Variants in NAB1 observed in about 807,000 individuals in gnomAD.
NAB1 encodes the protein NGFI-A binding protein 1, also known as NGFI-A-binding protein 1.
Under a neutral mutation model 49.9 loss-of-function variants are expected in NAB1, and 25 were observed. The observed-to-expected ratio is 0.50, with a 90% CI of 0.37 to 0.70. NAB1 has a LOEUF of 0.70. Among genes scored for constraint, NAB1 ranks in the 30% least tolerant of loss-of-function variants. The pLI is 0.00. For synonymous variants in NAB1, 198 were observed against 215.6 expected (o/e 0.92, Z 0.71); for missense variants, 489 against 575.9 (o/e 0.85, Z 1.54).
rs770283618 is a variant in NAB1 at position 190,685,634 on chromosome 2, A to G, written c.1254A>G (p.Gly418=). The G allele has an allele frequency of 6.2e-7, 1 of 1,605,642 alleles. No individual in the cohort carries two copies. Among genetic ancestry groups the G allele is most frequent in the South Asian group, 1.1e-5 (1 of 89,632 alleles). Residue 418 remains glycine (G), a synonymous_variant, in exon 8 of 10, where the codon GGA becomes GGG. Transcript: ENST00000337386. This position sits in a 1 kb window ranked among gnomAD's most constrained non-coding sequence, Gnocchi z 4.5. The stretch of plus-strand genomic sequence containing the variant: ...GCTTGACTTCCGATAACTCAGATGG[A>G]CAAGGTACATCTTTAGAATATCCTA... The part of the protein sequence containing the change: ...PNGLTSDNSD[G]QGERPLNLRM...
At chr2:190,656,810 A>T (rs1574419649) in intron 3 of NAB1, among the ~76,000 whole-genome samples, 1 of 152,240 alleles carries the variant, frequency 6.6e-6, no homozygotes. Context: ...ATTGCTCATA[A>T]AAAGATTTAA....
At position 190,679,907 on chromosome 2, in the gene NAB1, T is replaced by C. The variant is rs1167467620; in HGVS notation, c.1006-3831T>C. The stretch of plus-strand genomic sequence containing the variant: ...ATTTTACCCCAAGCTCCAAACTCAC[T>C]GCCCCTGCTTACCTGGCTTATCTAC... On this transcript the variant is annotated intron_variant, in intron 6 of 9. Transcript: ENST00000337386. This position sits in a 1 kb window ranked among gnomAD's most constrained non-coding sequence, Gnocchi z 5.3. Among the ~76,000 whole-genome samples, 2 of 151,824 alleles carry C rather than the reference T, an allele frequency of 1.3e-5. No homozygotes were observed. Among genetic ancestry groups the C allele is most frequent in the Non-Finnish European group, 2.9e-5 (2 of 67,916 alleles).
At chr2:190,665,322 CA>C (rs35430342) in intron 4 of NAB1, among the ~76,000 whole-genome samples, 276 of 130,950 alleles carry the variant, frequency 2.1e-3, no homozygotes, top group Non-Finnish European at 2.7e-3. Context: ...GACTCCATCT[CA>C]AAAAAAAAAA....
chr2:190,674,444 C>T lies in NAB1; in HGVS notation c.1005+1292C>T, dbSNP rs180867540. Among the ~76,000 whole-genome samples, 9 of 152,284 alleles carry T rather than the reference C, an allele frequency of 5.9e-5. No individual in the cohort carries two copies. The highest frequency in any genetic ancestry group is 1.9e-4 in the East Asian group (1 of 5,182). On this transcript the variant is annotated intron_variant, in intron 6 of 9. Transcript: ENST00000337386. The surrounding 1 kb of genome is among the most constrained non-coding windows in gnomAD (Gnocchi z 5.7). The stretch of plus-strand genomic sequence containing the variant: ...CCCTTTCTAAAGGGGCACCCTCTCC[C>T]CAAAATCACACTCAGGCTTATTCTC...
At chr2:190,671,334 C>T (rs905266776) in intron 5 of NAB1, among the ~76,000 whole-genome samples, 2 of 152,188 alleles carry the variant, frequency 1.3e-5, no homozygotes, top group Non-Finnish European at 2.9e-5. Flanking sequence ...GCACTATAGG[C>T]ATTTGCCATC....
intron 9 of NAB1, 75 bp downstream of exon 9, chr2:190,687,392 CATCAA>C: frequency 2.5e-4 from 98 of 391,368 alleles, no homozygotes; most frequent in Middle Eastern, 6.7e-4. Flanking sequence ...TTTCCTCCCC[CATCAA>C]AAAAAAAAAA....
At chr2:190,683,614 C>A in intron 6 of NAB1, 124 bp from the exon 7 acceptor site, 1 of 625,188 alleles carries the variant, frequency 1.6e-6, no homozygotes, top group South Asian at 2.3e-5. Flanking sequence ...ATTTTATAAC[C>A]ATTAAAATCT....
Position 190,678,122 on chromosome 2 carries a change from T to C in NAB1, c.1005+4970T>C, listed in dbSNP as rs954948142. The stretch of plus-strand genomic sequence containing the variant: ...TTGTTTATGAGTAAAAACCTTGTGT[T>C]GGGAAGATACACAGAGTAAATCAGA... On this transcript the variant is annotated intron_variant, in intron 6 of 9. Coordinates refer to ENST00000337386, the MANE Select transcript of NAB1 (RefSeq NM_005966.4). The surrounding 1 kb of genome is among the most constrained non-coding windows in gnomAD (Gnocchi z 4.9). 6.6e-6 allele frequency among the ~76,000 whole-genome samples: 1 copy of C among 152,222 alleles called. No individual in the cohort carries two copies. Among genetic ancestry groups the C allele is most frequent in the Non-Finnish European group, 1.5e-5 (1 of 68,034 alleles).
chr2:190,668,583 T>C (rs1201257113), intron 4 of NAB1, among the ~76,000 whole-genome samples: 1 of 152,170 alleles, frequency 6.6e-6, no homozygotes. Flanking sequence ...CTGAAAAAAG[T>C]AGATTACAAA....
chr2:190,690,103 CA>C (rs1695881532), intron 9 of NAB1, 141 bp from the exon 10 acceptor site: 1 of 523,464 alleles, frequency 1.9e-6, no homozygotes. Flanking sequence ...GCTCTATGAA[CA>C]AAAATTTTGC....
chr2:190,687,026 C>T (rs988177295), intron 8 of NAB1, among the ~76,000 whole-genome samples, 175 bp from the exon 9 acceptor site: 3 of 151,964 alleles, frequency 2.0e-5, no homozygotes, highest in African/African-American at 7.3e-5. Flanking sequence ...AAATGACTTG[C>T]CATTTTCCTC....
rs143851658 is a variant in NAB1 at position 190,685,983 on chromosome 2, AT to A, written c.1258+352del. ...CCTTTTTAAATGACCAAAACTTCAT[AT>A]TTTTTTAGACTTCAAAAACAAGTTT... On this transcript the variant is annotated intron_variant, in intron 8 of 9. Transcript: ENST00000337386. The surrounding 1 kb of genome is among the most constrained non-coding windows in gnomAD (Gnocchi z 4.5). Among the ~76,000 whole-genome samples, 15,940 of 152,138 alleles carry A rather than the reference AT, an allele frequency of 0.1. 1,536 individuals are homozygous for A. Among genetic ancestry groups the A allele is most frequent in the African/African-American group, 0.25 (10,237 of 41,452 alleles).
chr2:190,664,043 G>T (rs768769686), intron 4 of NAB1, among the ~76,000 whole-genome samples: 1 of 152,058 alleles, frequency 6.6e-6, no homozygotes, highest in African/African-American at 2.4e-5. Flanking sequence ...TGTTTTTTAC[G>T]TTTGGAAACG....
At position 190,670,085 on chromosome 2, in the gene NAB1, TATAA is replaced by T. The variant is rs1351674568; in HGVS notation, c.820-231_820-228del. Among the ~76,000 whole-genome samples the T allele has an allele frequency of 6.6e-6, 1 of 152,168 alleles. No individual in the cohort carries two copies. The highest frequency in any genetic ancestry group is 1.5e-5 in the Non-Finnish European group (1 of 68,022). Reference sequence around the variant, plus strand: ...CTCTCCTATCTAACCAAAAAAAGGATATAAATAAATAAAATCAAGATGACTATTA... The same window carrying T: ...CTCTCCTATCTAACCAAAAAAAGGATATAAATAAAATCAAGATGACTATTA... On this transcript the variant is annotated intron_variant, in intron 4 of 9. Transcript: ENST00000337386. This position sits in a 1 kb window ranked among gnomAD's most constrained non-coding sequence, Gnocchi z 5.3.
At chr2:190,681,032 G>A (rs1040208091) in intron 6 of NAB1, among the ~76,000 whole-genome samples, 2 of 152,206 alleles carry the variant, frequency 1.3e-5, no homozygotes, top group Admixed American at 6.5e-5. Context: ...AAGTAGTAGA[G>A]TTGGGTTTTG....
chr2:190,688,037 A>G (rs1695705735), intron 9 of NAB1, among the ~76,000 whole-genome samples: 1 of 152,206 alleles, frequency 6.6e-6, no homozygotes, highest in Admixed American at 6.5e-5. Flanking sequence ...ATATTTACAT[A>G]TTTTTATCCA....
chr2:190,665,806 C>G (rs2125681520), intron 4 of NAB1, among the ~76,000 whole-genome samples: 1 of 152,292 alleles, frequency 6.6e-6, no homozygotes, highest in Middle Eastern at 3.4e-3. Context: ...GGGTTCAAGA[C>G]AGATAATTTT....
At chr2:190,671,715 C>T (rs887009200) in intron 5 of NAB1, among the ~76,000 whole-genome samples, 2 of 150,950 alleles carry the variant, frequency 1.3e-5, no homozygotes, top group African/African-American at 4.9e-5. Context: ...GTTCCAGAGG[C>T]AACTGCCTTC....
At position 190,683,794 on chromosome 2, in the gene NAB1, T is replaced by A. The variant is rs200933120; in HGVS notation, c.1062T>A (p.Ala354=). The change falls in exon 7 of 10, where the codon GCT becomes GCA. Residue 354 remains alanine, a synonymous_variant. Transcript: ENST00000337386. ...AAACACTCTTCCAGCAGGCTAGAGC[T>A]AAGAGTGAAGAACTTGCAGCTCTTA... ...SVQTLFQQAR[A]KSEELAALSS... 6.8e-6 allele frequency: 11 copies of A among 1,613,736 alleles called. No individual in the cohort carries two copies. Among genetic ancestry groups the A allele is most frequent in the Non-Finnish European group, 9.3e-6 (11 of 1,179,950 alleles).
Sources: allele counts gnomAD v4.1 joint callset (sites outside exome capture counted in the v4.1 genomes callset), GRCh38; gene constraint gnomAD v4.1.1; non-coding constraint Gnocchi (gnomAD v3.1); transcripts MANE v1.5; gene names NCBI Gene and HGNC (gene_info 2026-07-23, HGNC 2026-07-21).